METTL15: variants seen among roughly 807,000 people sequenced by gnomAD.
The protein encoded by METTL15 is 12S rRNA N(4)-cytidine methyltransferase METTL15.
In METTL15, 34 loss-of-function variants were observed where a neutral mutation model predicts 38.3. That is an observed-to-expected ratio of 0.89 (90% CI 0.68 to 1.18). The LOEUF (loss-of-function observed/expected upper bound fraction) is 1.18. Ranked by LOEUF, METTL15 falls within the 50% of genes most tolerant of loss-of-function variation. The pLI, the probability that METTL15 is intolerant of heterozygous loss-of-function variation, is 0.00. For missense variants in METTL15, 438 were observed against 498.4 expected (o/e 0.88, Z 1.15); for synonymous variants, 162 against 170.9 (o/e 0.95, Z 0.41).
intron 4 of METTL15, among the ~76,000 whole-genome samples, chr11:28,211,453 T>C (rs1236640169): frequency 1.3e-5 from 2 of 152,094 alleles, no homozygotes; most frequent in Non-Finnish European, 2.9e-5. Flanking sequence ...TGAAAGTGTT[T>C]TGGAATCCAT....
chr11:28,165,806 T>G (rs1482643205), intron 3 of METTL15, among the ~76,000 whole-genome samples: 1 of 152,136 alleles, frequency 6.6e-6, no homozygotes, highest in Non-Finnish European at 1.5e-5. Flanking sequence ...ATTTAAGTCT[T>G]CAGCTTGTGA....
At chr11:28,346,759 A>G (rs1048635749) in intron 3 of METTL15, among the ~76,000 whole-genome samples, 14 of 152,214 alleles carry the variant, frequency 9.2e-5, no homozygotes, top group Admixed American at 7.2e-4. Flanking sequence ...TATTTAAGGC[A>G]TGTATAGTTA....
intron 3 of METTL15, among the ~76,000 whole-genome samples, chr11:28,146,049 A>G (rs183505912): frequency 3.3e-5 from 5 of 152,164 alleles, no homozygotes; most frequent in Non-Finnish European, 7.4e-5. Context: ...TATCCTCTAT[A>G]TAGTTTAAAA....
intron 6 of METTL15, among the ~76,000 whole-genome samples, chr11:28,521,670 T>C (rs1319767945): frequency 6.6e-6 from 1 of 152,078 alleles, no homozygotes; most frequent in African/African-American, 2.4e-5. Context: ...TTGGGTTTGC[T>C]TAAGGCATTG....
chr11:28,216,372 AG>A (rs1852870156), intron 4 of METTL15, among the ~76,000 whole-genome samples: 1 of 152,142 alleles, frequency 6.6e-6, no homozygotes, highest in Admixed American at 6.6e-5. Flanking sequence ...TAATTCATTG[AG>A]AAAATGGTGC....
intron 4 of METTL15, among the ~76,000 whole-genome samples, chr11:28,226,578 T>G (rs1853487587): frequency 6.6e-6 from 1 of 151,910 alleles, no homozygotes; most frequent in Non-Finnish European, 1.5e-5. Flanking sequence ...ATTTTTAATT[T>G]TTGGCCAAAT....
intron 3 of METTL15, among the ~76,000 whole-genome samples, chr11:28,190,700 C>T (rs543443249): frequency 4.0e-5 from 6 of 151,100 alleles, no homozygotes; most frequent in Admixed American, 4.0e-4. Flanking sequence ...TAATAATTTT[C>T]TACTGAATTA....
chr11:28,270,064 G>A (rs1188439916), intron 4 of METTL15, among the ~76,000 whole-genome samples: 2 of 152,102 alleles, frequency 1.3e-5, no homozygotes, highest in East Asian at 1.9e-4. Context: ...TCAAATTCCT[G>A]AGTGACACCT....
rs771948463 is a variant in METTL15, at chr11:28,133,828, A to G, written c.270+20224A>G. Among the ~76,000 whole-genome samples, 4 of 152,302 alleles carry G rather than the reference A, an allele frequency of 2.6e-5. No homozygotes were observed. The South Asian group carries it at 6.2e-4, about 24-fold the overall frequency. ...GTTAGAATCACCTGGTTAAGCTGCTACTGAATTCCTGATCCATAGAAACCA... is the reference window on the plus strand; with the variant it reads ...GTTAGAATCACCTGGTTAAGCTGCTGCTGAATTCCTGATCCATAGAAACCA... On this transcript the variant is annotated intron_variant, in intron 3 of 6. Coordinates refer to ENST00000407364, the MANE Select transcript of METTL15 (RefSeq NM_001113528.2).
At position 28,353,721 on chromosome 11, in the gene METTL15, C is replaced by G. The variant is rs1441577840; in HGVS notation, c.*258+1563C>G. On this transcript the variant is annotated intron_variant and NMD_transcript_variant, in intron 4 of 7. Coordinates refer to the METTL15 transcript ENST00000532947. ...CGGGTGGATCATGAGGTCAGGAGAT[C>G]GAGACCATCCTGGCTAACAAGGTGA... is the stretch of plus-strand genomic sequence containing the variant. Among the ~76,000 whole-genome samples, 4 of 151,390 alleles carry G rather than the reference C, an allele frequency of 2.6e-5. No individual in the cohort carries two copies. The South Asian group carries it at 8.4e-4, about 32-fold the overall frequency.
At chr11:28,289,474 C>T (rs1393133009) in intron 4 of METTL15, among the ~76,000 whole-genome samples, 1 of 152,112 alleles carries the variant, frequency 6.6e-6, no homozygotes, top group Non-Finnish European at 1.5e-5. Context: ...CCAATTTTCT[C>T]TTCTCATTCA....
At chr11:28,220,660 T>C (rs909322604) in intron 4 of METTL15, among the ~76,000 whole-genome samples, 1 of 152,196 alleles carries the variant, frequency 6.6e-6, no homozygotes, top group Non-Finnish European at 1.5e-5. Context: ...CTAGCCTCGA[T>C]GGTCTTTACA....
chr11:28,254,222 G>T (rs946041073), intron 4 of METTL15, among the ~76,000 whole-genome samples: 1 of 152,126 alleles, frequency 6.6e-6, no homozygotes, highest in Non-Finnish European at 1.5e-5. Flanking sequence ...GCACTTCTCT[G>T]ATGATCACTG....
intron 4 of METTL15, among the ~76,000 whole-genome samples, chr11:28,361,382 G>GT (rs1221984790): frequency 6.6e-6 from 1 of 151,978 alleles, no homozygotes; most frequent in Non-Finnish European, 1.5e-5. Flanking sequence ...TCTCATTGTG[G>GT]TTTTGATTTG....
intron 3 of METTL15, chr11:28,163,698 CT>C (rs907767786): frequency 2.7e-5 from 10 of 363,860 alleles, no homozygotes; most frequent in South Asian, 1.5e-4. Context: ...ACTTAATATA[CT>C]TTTTTTTAAA....
intron 3 of METTL15, among the ~76,000 whole-genome samples, chr11:28,182,201 T>G (rs1463285586): frequency 1.3e-5 from 2 of 152,184 alleles, no homozygotes; most frequent in African/African-American, 4.8e-5. Context: ...TCTCCCATTC[T>G]GTAGGCTGCC....
intron 3 of METTL15, among the ~76,000 whole-genome samples, chr11:28,172,354 T>G (rs185424325): frequency 6.6e-6 from 1 of 152,314 alleles, no homozygotes; most frequent in Admixed American, 6.5e-5. Context: ...GAAATTTCAT[T>G]AATAGAGTCA....
chr11:28,305,197 G>A (rs1857040323), intron 6 of METTL15, among the ~76,000 whole-genome samples: 1 of 152,062 alleles, frequency 6.6e-6, no homozygotes, highest in African/African-American at 2.4e-5. Context: ...CAACTCAGAA[G>A]GGAATGGAAT....
At chr11:28,271,335 G>A (rs772507594) in intron 4 of METTL15, among the ~76,000 whole-genome samples, 26 of 152,192 alleles carry the variant, frequency 1.7e-4, no homozygotes, top group East Asian at 1.5e-3. Context: ...AGATTTTGTC[G>A]TTGCTCTTTT....
Sources: allele counts gnomAD v4.1 joint callset (sites outside exome capture counted in the v4.1 genomes callset), GRCh38; gene constraint gnomAD v4.1.1; transcripts MANE v1.5; gene names NCBI Gene and HGNC (gene_info 2026-07-23, HGNC 2026-07-21).